SHISA6: variants seen among roughly 807,000 people sequenced by gnomAD.
The protein encoded by SHISA6 is shisa family member 6, also known as protein shisa-6.
Under a neutral mutation model 47.9 loss-of-function variants are expected in SHISA6, and 22 were observed. That is an observed-to-expected ratio of 0.46 (90% CI 0.33 to 0.66). The LOEUF (loss-of-function observed/expected upper bound fraction) is 0.66, where lower values mean the gene tolerates loss of function less well. SHISA6 is among the 30% of genes least tolerant of loss of function. The probability of loss-of-function intolerance (pLI) is 0.02; values close to 1 mark genes in which losing one functional copy is unlikely to be tolerated. For synonymous variants in SHISA6, 388 were observed against 337.8 expected, an observed-to-expected ratio of 1.15 and a Z score of -1.63; for missense variants, 680 against 764.6, an observed-to-expected ratio of 0.89 and a Z score of 1.30.
intron 1 of SHISA6, among the ~76,000 whole-genome samples, chr17:11,245,916 G>C (rs1907565065): frequency 6.6e-6 from 1 of 152,164 alleles, no homozygotes; most frequent in Non-Finnish European, 1.5e-5. Context: ...AAATTAATTA[G>C]AAACTCAAAG....
chr17:11,433,374 T>C (rs562563095), intron 3 of SHISA6, among the ~76,000 whole-genome samples: 1 of 152,270 alleles, frequency 6.6e-6, no homozygotes, highest in African/African-American at 2.4e-5. Flanking sequence ...AGAATGATGG[T>C]TTCCAGCTCC....
chr17:11,415,552 T>C (rs1468868597), intron 3 of SHISA6, among the ~76,000 whole-genome samples: 1 of 152,210 alleles, frequency 6.6e-6, no homozygotes, highest in East Asian at 1.9e-4. Context: ...CTAATGACCA[T>C]GGTGTTGTTT....
In SHISA6 at chr17:11,423,254, TAA is replaced by T. The variant is rs1491115435; in HGVS notation, c.895+43746_895+43747del. 6.2e-5 allele frequency among the ~76,000 whole-genome samples: 9 copies of T among 144,980 alleles called. No homozygotes were observed. The South Asian group carries it at 1.1e-3, about 17-fold the overall frequency. On this transcript the variant is annotated intron_variant, in intron 3 of 5. Transcript: ENST00000441885. ...GTGTGTGTGTGTATATATATATATA[TAA>T]TATATATATATATGGCAGTAACATA...
intron 3 of SHISA6, among the ~76,000 whole-genome samples, chr17:11,452,013 A>G (rs1358271095): frequency 6.6e-6 from 1 of 152,208 alleles, no homozygotes; most frequent in Non-Finnish European, 1.5e-5. Context: ...CTGCTCATCC[A>G]CTGTGCAACT....
intron 3 of SHISA6, among the ~76,000 whole-genome samples, chr17:11,541,628 A>G (rs1002838712): frequency 2.0e-5 from 3 of 152,210 alleles, no homozygotes; most frequent in African/African-American, 7.2e-5. Flanking sequence ...CTAACTATTA[A>G]TATGTATGAA....
At chr17:11,329,805 A>G (rs1911033548) in intron 2 of SHISA6, among the ~76,000 whole-genome samples, 1 of 152,108 alleles carries the variant, frequency 6.6e-6, no homozygotes, top group South Asian at 2.1e-4. Context: ...TCGACTTAAT[A>G]TAGGTTATGT....
Position 11,379,424 on chromosome 17 carries a change from G to C in SHISA6, c.810G>C (p.Gly270=), listed in dbSNP as rs781329307. Residue 270 remains glycine, a synonymous_variant, in exon 3 of 6, where the codon GGG becomes GGC. Coordinates refer to ENST00000441885, the MANE Select transcript of SHISA6 (RefSeq NM_207386.4). The part of the protein sequence containing the change: ...RTAKQTPGHY[G]KDAYRSGGPD... ...CCCATCTTCTTGCAGGGCATTATGG[G>C]AAGGATGCTTACCGAAGTGGAGGAC... 2 of 1,538,894 alleles carry C rather than the reference G, an allele frequency of 1.3e-6. No homozygotes were observed. Among genetic ancestry groups the C allele is most frequent in the Non-Finnish European group, 1.8e-6 (2 of 1,141,760 alleles).
chr17:11,484,807 G>T (rs1406775148), intron 3 of SHISA6, among the ~76,000 whole-genome samples: 3 of 152,096 alleles, frequency 2.0e-5, no homozygotes, highest in African/African-American at 7.2e-5. Context: ...AGCCCAAATT[G>T]GTGAAAAATC....
intron 3 of SHISA6, among the ~76,000 whole-genome samples, chr17:11,414,466 A>G (rs1490272091): frequency 1.3e-5 from 2 of 152,114 alleles, no homozygotes; most frequent in Non-Finnish European, 1.5e-5. Flanking sequence ...TACAGAAACT[A>G]TGCTTCTATT....
rs1258627875 is a variant in SHISA6 at position 11,241,997 on chromosome 17, G to A, written c.575G>A (p.Gly192Asp). 6.4e-7 allele frequency: 1 copy of A among 1,551,090 alleles called. No individual in the cohort carries two copies. Among genetic ancestry groups the A allele is most frequent in the Non-Finnish European group, 8.7e-7 (1 of 1,147,000 alleles). ...GTGATCGCCTTCGTCATCGTGGCCG[G>A]CGTCTTCGCCAAGGTCTCCTACGAC... ...CGVIAFVIVA[G>D]VFAKVSYDKA... Residue 192 changes from glycine to aspartate, a missense_variant, in exon 1 of 6, where the codon GGC (glycine) becomes GAC (aspartate). Gly to Asp is a moderately conservative substitution (Grantham distance 94, BLOSUM62 -1). Coordinates refer to ENST00000441885, the MANE Select transcript of SHISA6 (RefSeq NM_207386.4). The surrounding 1 kb of genome is among the most constrained non-coding windows in gnomAD (Gnocchi z 5.5).
intron 3 of SHISA6, among the ~76,000 whole-genome samples, chr17:11,469,205 A>G (rs1270358233): frequency 6.6e-6 from 1 of 152,080 alleles, no homozygotes; most frequent in African/African-American, 2.4e-5. Context: ...CAAAAGAGAT[A>G]TAATATTGGA....
chr17:11,445,207 C>A (rs1597517369), intron 3 of SHISA6, among the ~76,000 whole-genome samples: 2 of 152,064 alleles, frequency 1.3e-5, no homozygotes, highest in Admixed American at 1.3e-4. Flanking sequence ...CTCTTTTCGG[C>A]TTCTTTTATG....
intron 3 of SHISA6, among the ~76,000 whole-genome samples, chr17:11,499,992 G>A (rs775444000): frequency 4.6e-5 from 7 of 152,146 alleles, no homozygotes; most frequent in African/African-American, 9.7e-5. Flanking sequence ...ATGAGCCATC[G>A]TGCCTGGCCT....
intron 2 of SHISA6, among the ~76,000 whole-genome samples, chr17:11,328,196 G>A (rs11650677): frequency 0.26 from 39,664 of 152,006 alleles, 6,239 homozygotes; most frequent in Non-Finnish European, 0.34. Flanking sequence ...AGGAAATTGG[G>A]TCCTGGACTC....
At chr17:11,530,294 T>C (rs1378578210) in intron 3 of SHISA6, among the ~76,000 whole-genome samples, 1 of 152,184 alleles carries the variant, frequency 6.6e-6, no homozygotes, top group African/African-American at 2.4e-5. Flanking sequence ...AGTTACAATG[T>C]ATTGATGTAG....
intron 3 of SHISA6, among the ~76,000 whole-genome samples, chr17:11,432,272 C>T (rs1914800885): frequency 6.6e-6 from 1 of 152,164 alleles, no homozygotes; most frequent in Non-Finnish European, 1.5e-5. Context: ...TTTTCTCTTG[C>T]AACTCTCAGT....
At chr17:11,516,799 C>A (rs2142359606) in intron 3 of SHISA6, among the ~76,000 whole-genome samples, 1 of 152,334 alleles carries the variant, frequency 6.6e-6, no homozygotes, top group South Asian at 2.1e-4. Context: ...CATGGATAGT[C>A]TCTGCAGTGA....
At chr17:11,258,754 T>C (rs754628550) in intron 1 of SHISA6, among the ~76,000 whole-genome samples, 7 of 152,120 alleles carry the variant, frequency 4.6e-5, no homozygotes, top group Non-Finnish European at 1.0e-4. Flanking sequence ...GTGTAAAAGG[T>C]TGTAGAGCTG....
intron 3 of SHISA6, among the ~76,000 whole-genome samples, chr17:11,484,885 C>T (rs1235409991): frequency 6.6e-6 from 1 of 152,160 alleles, no homozygotes; most frequent in Non-Finnish European, 1.5e-5. Flanking sequence ...GGTAAATTCT[C>T]AGGCAGTATT....
Sources: gnomAD v4.1 joint callset for allele counts (sites outside exome capture counted in the v4.1 genomes callset) on GRCh38, gnomAD v4.1.1 for gene constraint, Gnocchi (gnomAD v3.1) non-coding constraint, MANE v1.5 for transcripts, NCBI Gene and HGNC (gene_info 2026-07-23, HGNC 2026-07-21) for gene names.